Variants in LPAR5 observed in about 807,000 individuals in gnomAD.
LPAR5 encodes the protein G protein-coupled receptor 92.
For synonymous variants in LPAR5, 271 were observed against 261.6 expected (o/e 1.04, Z -0.35); for missense variants, 544 against 521.8 (o/e 1.04, Z -0.41).
At position 6,619,376 on chromosome 12, in the gene LPAR5, G is replaced by GAGA. The variant is rs1321779807; in HGVS notation, c.*751_*753dup. On this transcript the variant is annotated 3_prime_UTR_variant, in exon 2 of 2. Transcript: ENST00000329858. Reference sequence around the variant, plus strand: ...AGAAGAGAGAGGAGAGGAGAGGAGAGAGAAGAGAGAAACGAGAGAGAGAGA... The same window carrying GAGA: ...AGAAGAGAGAGGAGAGGAGAGGAGAGAGAAGAAGAGAGAAACGAGAGAGAGAGA... 6.6e-6 allele frequency: 1 copy of GAGA among 151,800 alleles called. No individual in the cohort carries two copies. The highest frequency in any genetic ancestry group is 2.4e-5 in the African/African-American group (1 of 41,142). The allele number at this position is 151,800 out of a possible 1,614,324, so 9.4% of individuals were successfully genotyped here. A position where few individuals can be genotyped will look rare whatever the true frequency, so the allele number is the denominator to read the frequency against.
chr12:6,624,842 TCTC>T (rs894181018), intron 1 of LPAR5, among the ~76,000 whole-genome samples: 4 of 152,032 alleles, frequency 2.6e-5, no homozygotes, highest in African/African-American at 9.7e-5. Flanking sequence ...CTGGTCTCGA[TCTC>T]CTGACCTCAG....
intron 1 of LPAR5, among the ~76,000 whole-genome samples, chr12:6,626,035 T>A (rs1948937280): frequency 6.6e-6 from 1 of 152,100 alleles, no homozygotes; most frequent in Non-Finnish European, 1.5e-5. Context: ...TTTGGGAGGC[T>A]GAGGTGGGTG....
Position 6,620,592 on chromosome 12 carries a change from C to T in LPAR5, c.657G>A (p.Ala219=), listed in dbSNP as rs1276764736. The T allele has an allele frequency of 7.6e-5, 118 of 1,550,814 alleles. No homozygotes were observed. The highest frequency in any genetic ancestry group is 1.0e-4 in the Non-Finnish European group (118 of 1,147,598). ...YSSGRVFWTL[A]RPDATQSQRR... is the part of the protein sequence containing the mutation. Reference sequence around the variant, plus strand: ...GCTGGCTCTGCGTGGCGTCGGGGCGCGCCAGCGTCCAGAAGACTCGGCCCG... The same window carrying T: ...GCTGGCTCTGCGTGGCGTCGGGGCGTGCCAGCGTCCAGAAGACTCGGCCCG... Residue 219 remains alanine (A), a synonymous_variant, in exon 2 of 2, where the codon GCG becomes GCA. Transcript: ENST00000329858. The surrounding 1 kb of genome is among the most constrained non-coding windows in gnomAD (Gnocchi z 6.8).
intron 1 of LPAR5, among the ~76,000 whole-genome samples, chr12:6,628,263 T>G (rs903055329): frequency 6.6e-6 from 1 of 152,086 alleles, no homozygotes; most frequent in Non-Finnish European, 1.5e-5. Context: ...CCTCGTGATC[T>G]GCCCGCCTTG....
intron 1 of LPAR5, among the ~76,000 whole-genome samples, chr12:6,629,206 T>C (rs866319877): frequency 6.0e-4 from 90 of 149,788 alleles, no homozygotes; most frequent in African/African-American, 2.1e-3. Context: ...TGAAACCTCA[T>C]CTCTACTGAA....
chr12:6,622,028 T>G (rs1415015785), intron 1 of LPAR5, among the ~76,000 whole-genome samples: 1 of 151,894 alleles, frequency 6.6e-6, no homozygotes, highest in East Asian at 1.9e-4. Flanking sequence ...CTCGGGAGGC[T>G]GAGACAGGAG....
chr12:6,628,443 T>C (rs542184483), intron 1 of LPAR5, among the ~76,000 whole-genome samples: 9 of 151,876 alleles, frequency 5.9e-5, no homozygotes, highest in South Asian at 4.2e-4. Context: ...TCTTTCTTTC[T>C]TTCCTTCCTT....
chr12:6,626,841 C>T (rs1024436096), intron 1 of LPAR5, among the ~76,000 whole-genome samples: 1 of 152,194 alleles, frequency 6.6e-6, no homozygotes, highest in Non-Finnish European at 1.5e-5. Flanking sequence ...CTTGTGCCTC[C>T]GCAACAGTGC....
At chr12:6,635,625 GA>G (rs1949004278) in intron 1 of LPAR5, among the ~76,000 whole-genome samples, 1 of 152,152 alleles carries the variant, frequency 6.6e-6, no homozygotes, top group Non-Finnish European at 1.5e-5. Flanking sequence ...CCTAGAGGGG[GA>G]GGGGGAGGAC....
intron 1 of LPAR5, among the ~76,000 whole-genome samples, chr12:6,623,281 C>CCACA (rs1336933202): frequency 4.0e-5 from 6 of 150,076 alleles, no homozygotes; most frequent in Non-Finnish European, 8.9e-5. Context: ...TGCCTGTGAT[C>CCACA]TCAGCACTTT....
intron 1 of LPAR5, among the ~76,000 whole-genome samples, chr12:6,632,352 C>A (rs567618299): frequency 6.6e-6 from 1 of 152,198 alleles, no homozygotes; most frequent in Non-Finnish European, 1.5e-5. Flanking sequence ...AAGGTTCTTA[C>A]ATCTCCCCAT....
chr12:6,619,146 G>C lies in LPAR5; in HGVS notation c.*984C>G, dbSNP rs1948863694. On this transcript the variant is annotated 3_prime_UTR_variant, in exon 2 of 2. Coordinates refer to ENST00000329858, the MANE Select transcript of LPAR5 (RefSeq NM_020400.6). Reference sequence around the variant, plus strand: ...TGCTCCCATGGCTAATGTAATGTGTGCATGTGTATTTATTTTAAAAATGTA... The same window carrying C: ...TGCTCCCATGGCTAATGTAATGTGTCCATGTGTATTTATTTTAAAAATGTA... 1 of 152,226 alleles carries C rather than the reference G, an allele frequency of 6.6e-6. No homozygotes were observed. The highest frequency in any genetic ancestry group is 2.4e-5 in the African/African-American group (1 of 41,446). 9.4% of individuals were successfully genotyped at this position (152,226 alleles called of 1,614,324 possible). A position where few individuals can be genotyped will look rare whatever the true frequency, so the allele number is the denominator to read the frequency against.
intron 1 of LPAR5, among the ~76,000 whole-genome samples, chr12:6,630,095 T>C (rs562548218): frequency 9.2e-5 from 14 of 152,212 alleles, no homozygotes; most frequent in African/African-American, 3.1e-4. Context: ...CGATGCTCTC[T>C]TGTTACTCTA....
rs1021822372 is a variant in LPAR5, at chr12:6,619,462, G to A, written c.*668C>T. The A allele has an allele frequency of 6.5e-6, 1 of 154,736 alleles. No homozygotes were observed. The highest frequency in any genetic ancestry group is 6.4e-5 in the Admixed American group (1 of 15,736). 9.6% of individuals were successfully genotyped at this position (154,736 alleles called of 1,614,324 possible). ...GCCTGGAAAAGGGGATGTGATGGAA[G>A]AAAGGATAACCTAAAAAGGGTTTGG... On this transcript the variant is annotated 3_prime_UTR_variant, in exon 2 of 2. Coordinates refer to ENST00000329858, the MANE Select transcript of LPAR5 (RefSeq NM_020400.6).
intron 1 of LPAR5, among the ~76,000 whole-genome samples, chr12:6,622,515 G>T (rs1440080365): frequency 5.9e-5 from 9 of 151,610 alleles, no homozygotes; most frequent in Admixed American, 2.6e-4. Flanking sequence ...TTGGGAGGCT[G>T]AGGTGGGCGG....
At chr12:6,634,000 T>C (rs542016996) in intron 1 of LPAR5, among the ~76,000 whole-genome samples, 4 of 151,994 alleles carry the variant, frequency 2.6e-5, no homozygotes, top group African/African-American at 4.8e-5. Flanking sequence ...TGGGACCCCA[T>C]CTCTACAAAA....
chr12:6,625,465 T>C (rs916733518), intron 1 of LPAR5, among the ~76,000 whole-genome samples: 1 of 144,956 alleles, frequency 6.9e-6, no homozygotes, highest in Admixed American at 7.1e-5. Context: ...CTCATGCCTG[T>C]AATCCCAGCA....
chr12:6,621,646 C>G (rs978830365), intron 1 of LPAR5, among the ~76,000 whole-genome samples, 182 bp from the exon 2 acceptor site: 1 of 152,200 alleles, frequency 6.6e-6, no homozygotes, highest in Admixed American at 6.5e-5. Context: ...GGCAGGGACT[C>G]GGATGCCTAG....
chr12:6,623,950 A>G (rs1311062692), intron 1 of LPAR5, among the ~76,000 whole-genome samples: 1 of 152,106 alleles, frequency 6.6e-6, no homozygotes, highest in Non-Finnish European at 1.5e-5. Context: ...ACAGAGTGAG[A>G]CTCCATGTCA....
Sources: allele counts gnomAD v4.1 joint callset (sites outside exome capture counted in the v4.1 genomes callset), GRCh38; gene constraint gnomAD v4.1.1; non-coding constraint Gnocchi (gnomAD v3.1); transcripts MANE v1.5; gene names NCBI Gene and HGNC (gene_info 2026-07-23, HGNC 2026-07-21).